Variants in MYOM1 observed in about 807,000 individuals in gnomAD.
MYOM1 encodes the protein myomesin 1.
A neutral mutation model predicts 205.3 loss-of-function variants in MYOM1; 164 were observed. The ratio of observed to expected loss-of-function variants is 0.80; its 90% confidence interval spans 0.70 to 0.91. The LOEUF is 0.91. MYOM1 is among the 40% of genes least tolerant of loss of function. MYOM1 has a pLI of 0.00. For synonymous variants in MYOM1, 772 were observed against 789.4 expected (o/e 0.98, Z 0.37); for missense variants, 2,011 against 2,127.3 (o/e 0.95, Z 1.08).
intron 22 of MYOM1, among the ~76,000 whole-genome samples, chr18:3,108,818 C>T (rs7239064): frequency 0.023 from 3,462 of 152,032 alleles, 127 homozygotes; most frequent in African/African-American, 0.079. Flanking sequence ...GGATAATAGG[C>T]GTGAGGCACC....
intron 2 of MYOM1, among the ~76,000 whole-genome samples, chr18:3,214,467 G>C (rs190415416): frequency 2.0e-5 from 3 of 152,270 alleles, no homozygotes; most frequent in Admixed American, 2.0e-4. Context: ...CACGGGTCCC[G>C]GGTCTCCCAA....
chr18:3,223,130 C>T (rs2081338729), upstream of MYOM1, among the ~76,000 whole-genome samples: 1 of 152,182 alleles, frequency 6.6e-6, no homozygotes, highest in Non-Finnish European at 1.5e-5. Flanking sequence ...ATCTGCCTGC[C>T]TTGGCCTCCC....
rs79705180 is a variant in MYOM1 at position 3,198,954 on chromosome 18, A to G, written c.291-4996T>C. Among the ~76,000 whole-genome samples, 924 of 152,272 alleles carry G rather than the reference A, an allele frequency of 6.1e-3. 12 individuals carry two copies. The highest frequency in any genetic ancestry group is 0.021 in the African/African-American group (870 of 41,542). On this transcript the variant is annotated intron_variant, in intron 2 of 37. Transcript: ENST00000356443. ...AGTAGTTCCTCAGTTCCTCTCCCCA[A>G]AGCAGTGATGATATATAACACATTG...
At chr18:3,195,112 GAA>G (rs1341847956) in intron 2 of MYOM1, among the ~76,000 whole-genome samples, 6 of 152,114 alleles carry the variant, frequency 3.9e-5, no homozygotes, top group Non-Finnish European at 8.8e-5. Flanking sequence ...ATCAAAAGCA[GAA>G]GAGAGGCCAA....
At chr18:3,205,271 T>C (rs566622572) in intron 2 of MYOM1, among the ~76,000 whole-genome samples, 14 of 152,066 alleles carry the variant, frequency 9.2e-5, no homozygotes, top group African/African-American at 3.1e-4. Flanking sequence ...GACACTGCAG[T>C]AAAGAGAAGG....
intron 10 of MYOM1, among the ~76,000 whole-genome samples, chr18:3,161,131 T>C (rs529374126): frequency 6.6e-6 from 1 of 152,304 alleles, no homozygotes; most frequent in South Asian, 2.1e-4. Flanking sequence ...CTAATTGCAG[T>C]GTGTTGGTTC....
In MYOM1 at chr18:3,085,127, G is replaced by A. The variant is rs763976387; in HGVS notation, c.4257C>T (p.Ser1419=). 1.3e-6 allele frequency: 2 copies of A among 1,598,888 alleles called. No homozygotes were observed. The highest frequency in any genetic ancestry group is 2.2e-5 in the South Asian group (2 of 89,166). The change falls in exon 31 of 38, where the codon TCC becomes TCT. Residue 1419 remains serine, a synonymous_variant. Coordinates refer to ENST00000356443, the MANE Select transcript of MYOM1 (RefSeq NM_003803.4). ...GICTLLITEF[S]KKDAGIYEVI... is the part of the protein sequence containing the mutation. ...CTTCATAAATCCCAGCATCTTTCTT[G>A]GAAAACTAAGGGGGAATAGATATAC...
intron 14 of MYOM1, among the ~76,000 whole-genome samples, chr18:3,138,626 C>T (rs2080005172): frequency 6.6e-6 from 1 of 152,076 alleles, no homozygotes; most frequent in South Asian, 2.1e-4. Context: ...TCATTTATGG[C>T]TTTGATTTCT....
chr18:3,134,144 C>G (rs538189983), intron 16 of MYOM1, among the ~76,000 whole-genome samples: 159 of 152,202 alleles, frequency 1.0e-3, no homozygotes, highest in Admixed American at 1.8e-3. Flanking sequence ...CTTGGCCTCC[C>G]AAAGTGTTGA....
intron 34 of MYOM1, among the ~76,000 whole-genome samples, chr18:3,076,902 C>T (rs901778152): frequency 5.3e-5 from 8 of 151,802 alleles, no homozygotes; most frequent in South Asian, 2.1e-4. Context: ...TTTGTAGAGA[C>T]GGGGTTTCAC....
rs114010880 is a variant in MYOM1, at chr18:3,170,797, G to A, written c.1175-1816C>T. Among the ~76,000 whole-genome samples, 524 of 152,240 alleles carry A rather than the reference G, an allele frequency of 3.4e-3. 2 individuals are homozygous for A. Among genetic ancestry groups the A allele is most frequent in the African/African-American group, 0.012 (488 of 41,542 alleles). On this transcript the variant is annotated intron_variant, in intron 8 of 37. Transcript: ENST00000356443. Reference sequence around the variant, plus strand: ...CTCTCTTTCAGGTGGGTATATGGAAGTTCACAAAAGTAACACACACCTAAT... The same window carrying A: ...CTCTCTTTCAGGTGGGTATATGGAAATTCACAAAAGTAACACACACCTAAT...
chr18:3,144,714 AC>A (rs1420474732), intron 13 of MYOM1, among the ~76,000 whole-genome samples: 11 of 152,210 alleles, frequency 7.2e-5, no homozygotes, highest in African/African-American at 1.4e-4. Context: ...AAGCAAAAAA[AC>A]ATTACCATGG....
chr18:3,082,608 A>G (rs1409547979), intron 33 of MYOM1, among the ~76,000 whole-genome samples: 1 of 152,112 alleles, frequency 6.6e-6, no homozygotes, highest in Non-Finnish European at 1.5e-5. Context: ...AGTTTGGAAC[A>G]TTTGCATCCT....
the MYOM1 span, among the ~76,000 whole-genome samples, chr18:3,227,459 G>C: frequency 6.6e-5 from 10 of 152,226 alleles, no homozygotes; most frequent in East Asian, 1.9e-3. Context: ...CAGGGGCTGG[G>C]GAAAGGGGGT....
intron 8 of MYOM1, among the ~76,000 whole-genome samples, chr18:3,171,976 T>C (rs530439912): frequency 3.3e-5 from 5 of 152,228 alleles, no homozygotes; most frequent in Non-Finnish European, 7.3e-5. Flanking sequence ...CACATCCCTA[T>C]TCTACCACTC....
intron 1 of MYOM1, among the ~76,000 whole-genome samples, chr18:3,217,414 G>C (rs200968963): frequency 1.3e-5 from 2 of 152,322 alleles, no homozygotes; most frequent in East Asian, 3.9e-4. Flanking sequence ...TAACTGAGAT[G>C]GGGAGGAATG....
At chr18:3,073,723 G>T (rs1267507629) in intron 36 of MYOM1, among the ~76,000 whole-genome samples, 2 of 152,210 alleles carry the variant, frequency 1.3e-5, no homozygotes, top group Admixed American at 6.5e-5. Context: ...GCTTGCCTGG[G>T]CATGCCCACA....
intron 2 of MYOM1, among the ~76,000 whole-genome samples, chr18:3,205,545 T>C (rs1567967837): frequency 6.6e-6 from 1 of 152,164 alleles, no homozygotes; most frequent in African/African-American, 2.4e-5. Context: ...ATAATGGCTA[T>C]AATAAATAAG....
chr18:3,085,178 G>C, intron 30 of MYOM1, 46 bp from the exon 31 acceptor site: 1 of 1,286,450 alleles, frequency 7.8e-7, no homozygotes, highest in Non-Finnish European at 1.1e-6. Context: ...GTAGCCCCAG[G>C]GCACGGTATC....
Sources: allele counts gnomAD v4.1 joint callset (sites outside exome capture counted in the v4.1 genomes callset), GRCh38; gene constraint gnomAD v4.1.1; transcripts MANE v1.5; gene names NCBI Gene and HGNC (gene_info 2026-07-23, HGNC 2026-07-21).